The following SLC39A14 variants were observed in gnomAD, a reference collection of about 807,000 sequenced individuals.
SLC39A14 encodes the protein metal cation symporter ZIP14.
A neutral mutation model predicts 45.5 loss-of-function variants in SLC39A14; 19 were observed. That is an observed-to-expected ratio of 0.42 (90% CI 0.29 to 0.61). The LOEUF (loss-of-function observed/expected upper bound fraction) is 0.61. Ranked by LOEUF, SLC39A14 falls within the 20% of genes least tolerant of loss-of-function variation. The probability of loss-of-function intolerance (pLI) is 0.22; values close to 1 mark genes in which losing one functional copy is unlikely to be tolerated. For missense variants in SLC39A14, 447 were observed against 616.5 expected (o/e 0.73, Z 2.91); for synonymous variants, 264 against 251.3 (o/e 1.05, Z -0.48).
chr8:22,417,517 T>A (rs1172664138), intron 7 of SLC39A14, 134 bp from the exon 8 acceptor site: 1 of 737,776 alleles, frequency 1.4e-6, no homozygotes. Context: ...GTCGCCAGGC[T>A]GGATTCAAAC....
intron 1 of SLC39A14, among the ~76,000 whole-genome samples, chr8:22,374,740 CTTTTTTT>C (rs67116858): frequency 9.6e-6 from 1 of 104,028 alleles, no homozygotes; most frequent in Middle Eastern, 5.7e-3. Flanking sequence ...CCAGCCTGCT[CTTTTTTT>C]TTTTTTTTTT....
At chr8:22,379,215 C>T (rs1241694292) in intron 1 of SLC39A14, among the ~76,000 whole-genome samples, 1 of 152,150 alleles carries the variant, frequency 6.6e-6, no homozygotes, top group Non-Finnish European at 1.5e-5. Context: ...TAGGGCCCAT[C>T]GTAAATCCAG....
Position 22,421,117 on chromosome 8 carries a change from T to A in SLC39A14, c.*1419T>A, listed in dbSNP as rs1836203220. ...ATAATGTGAGATTCTTTAGCCACTT[T>A]GGGGAGCCTGTCTCTCCAGAAGCCT... On this transcript the variant is annotated 3_prime_UTR_variant, in exon 9 of 9. Coordinates refer to ENST00000381237, the MANE Select transcript of SLC39A14 (RefSeq NM_001128431.4). The A allele has an allele frequency of 1.0e-6, 1 of 985,738 alleles. No homozygotes were observed. Among genetic ancestry groups the A allele is most frequent in the South Asian group, 4.7e-5 (1 of 21,292 alleles). 61.1% of individuals were successfully genotyped at this position (985,738 alleles called of 1,614,324 possible).
chr8:22,430,869 T>C (rs571436276), intron 8 of SLC39A14, among the ~76,000 whole-genome samples: 1 of 152,182 alleles, frequency 6.6e-6, no homozygotes, highest in Admixed American at 6.6e-5. Flanking sequence ...AACAAGGTTT[T>C]ACCATGTTGG....
chr8:22,406,830 G>A (rs577914145), intron 2 of SLC39A14, among the ~76,000 whole-genome samples: 2 of 152,184 alleles, frequency 1.3e-5, no homozygotes, highest in Non-Finnish European at 1.5e-5. Flanking sequence ...CTCAGGACCC[G>A]CCAGGATAGC....
At chr8:22,371,127 G>T (rs987274174) in intron 1 of SLC39A14, among the ~76,000 whole-genome samples, 2 of 152,200 alleles carry the variant, frequency 1.3e-5, no homozygotes, top group African/African-American at 4.8e-5. Context: ...AAGGAAAAGA[G>T]GCCGGGAAAG....
At chr8:22,389,007 C>G (rs1191535861) in intron 1 of SLC39A14, among the ~76,000 whole-genome samples, 2 of 152,198 alleles carry the variant, frequency 1.3e-5, no homozygotes, top group East Asian at 3.9e-4. Context: ...CTGGTCGTGC[C>G]CTCTTGAGCA....
At chr8:22,414,007 T>C (rs1433814947) in intron 4 of SLC39A14, among the ~76,000 whole-genome samples, 1 of 152,060 alleles carries the variant, frequency 6.6e-6, no homozygotes, top group African/African-American at 2.4e-5. Context: ...TCAAAACTCC[T>C]GGCCTCAAGT....
chr8:22,368,732 T>G (rs1024941091), intron 1 of SLC39A14, among the ~76,000 whole-genome samples: 2 of 151,846 alleles, frequency 1.3e-5, no homozygotes, highest in African/African-American at 4.8e-5. Flanking sequence ...GAGACGGGGT[T>G]TCACCGTGTT....
In SLC39A14 at chr8:22,420,118, C is replaced by T. The variant is rs1836141085; in HGVS notation, c.*420C>T. ...AGAGTTGAATCCATAGTGTGGGGCC[C>T]ATGACTCTAGCTGGGCACCTTGGAC... On this transcript the variant is annotated 3_prime_UTR_variant, in exon 9 of 9. Transcript: ENST00000381237. 2.0e-6 allele frequency: 2 copies of T among 987,946 alleles called. No individual in the cohort carries two copies. Among genetic ancestry groups the T allele is most frequent in the African/African-American group, 1.7e-5 (1 of 57,328 alleles). The allele number at this position is 987,946 out of a possible 1,614,324, so 61.2% of individuals were successfully genotyped here.
At chr8:22,432,028 T>A (rs1836474247) in intron 8 of SLC39A14, among the ~76,000 whole-genome samples, 1 of 152,198 alleles carries the variant, frequency 6.6e-6, no homozygotes, top group Non-Finnish European at 1.5e-5. Context: ...CTATTGGAAC[T>A]AGGCCACTAA....
chr8:22,400,891 C>T (rs1322348359), intron 1 of SLC39A14, among the ~76,000 whole-genome samples: 1 of 152,224 alleles, frequency 6.6e-6, no homozygotes, highest in Non-Finnish European at 1.5e-5. Flanking sequence ...GGGAACCCTG[C>T]TGATTTATAA....
chr8:22,400,366 A>T (rs755426440), intron 1 of SLC39A14, among the ~76,000 whole-genome samples: 1 of 152,226 alleles, frequency 6.6e-6, no homozygotes, highest in Non-Finnish European at 1.5e-5. Context: ...AAGGTCTGCA[A>T]TCGGTAAATG....
At chr8:22,428,326 A>G (rs1836417945) in intron 8 of SLC39A14, among the ~76,000 whole-genome samples, 1 of 152,024 alleles carries the variant, frequency 6.6e-6, no homozygotes, top group Non-Finnish European at 1.5e-5. Context: ...AAATCTAAAC[A>G]GAGATCTCAA....
intron 1 of SLC39A14, among the ~76,000 whole-genome samples, chr8:22,397,447 G>A (rs1038602482): frequency 6.6e-6 from 1 of 152,162 alleles, no homozygotes; most frequent in African/African-American, 2.4e-5. Flanking sequence ...GCGTGGTGGT[G>A]GGCGCCTGTA....
downstream of SLC39A14, among the ~76,000 whole-genome samples, chr8:22,426,499 G>C (rs969164711): frequency 1.1e-4 from 16 of 152,130 alleles, no homozygotes; most frequent in African/African-American, 3.9e-4. Context: ...AGACTCTCTA[G>C]ATGTTTTTCT....
downstream of SLC39A14, among the ~76,000 whole-genome samples, chr8:22,423,176 C>G (rs1001530334): frequency 1.3e-5 from 2 of 150,560 alleles, no homozygotes. Context: ...GACAGTCTCA[C>G]TCTGTCACCC....
chr8:22,406,753 A>C (rs2132318181), intron 2 of SLC39A14, among the ~76,000 whole-genome samples: 2 of 152,322 alleles, frequency 1.3e-5, no homozygotes, highest in Admixed American at 1.3e-4. Flanking sequence ...ACACCTGAGC[A>C]CATCAGATGC....
At chr8:22,402,991 T>TGTTG (rs1834970651) in intron 1 of SLC39A14, among the ~76,000 whole-genome samples, 1 of 151,936 alleles carries the variant, frequency 6.6e-6, no homozygotes, top group Admixed American at 6.6e-5. Context: ...TTTGTTTGTT[T>TGTTG]ATTGAGACAG....
Sources: gnomAD v4.1 joint callset for allele counts (sites outside exome capture counted in the v4.1 genomes callset) on GRCh38, gnomAD v4.1.1 for gene constraint, MANE v1.5 for transcripts, NCBI Gene and HGNC (gene_info 2026-07-23, HGNC 2026-07-21) for gene names.